JAKMIP3: variants seen among roughly 807,000 people sequenced by gnomAD.
JAKMIP3 encodes the protein janus kinase and microtubule-interacting protein 3.
In JAKMIP3, 58 loss-of-function variants were observed where a neutral mutation model predicts 118.5. That is an observed-to-expected ratio of 0.49 (90% CI 0.40 to 0.61). The LOEUF (loss-of-function observed/expected upper bound fraction) is 0.61, where lower values mean the gene tolerates loss of function less well. Among genes scored for constraint, JAKMIP3 ranks in the 20% least tolerant of loss-of-function variants. The pLI is 0.00. For synonymous variants in JAKMIP3, 486 were observed against 451.2 expected (o/e 1.08, Z -0.98); for missense variants, 950 against 1,109.0 (o/e 0.86, Z 2.04).
chr10:132,048,825 A>G (rs2038013411), intron 1 of JAKMIP3, among the ~76,000 whole-genome samples: 1 of 151,782 alleles, frequency 6.6e-6, no homozygotes, highest in Non-Finnish European at 1.5e-5. Context: ...ATTTTTTGGT[A>G]GAGACAAGGC....
Position 132,180,726 on chromosome 10 carries a change from TGTGCGTGTGTGCGTGCGTGC to T in JAKMIP3, c.*1104-1629_*1104-1610del, listed in dbSNP as rs1156987807. Reference sequence around the variant, plus strand: ...GTGTGTGCGCGTGTGTGTGCGTGTGTGTGCGTGTGTGCGTGCGTGCGCGCGCGTGTGTGCGTGTGTGTGCG... The same window carrying T: ...GTGTGTGCGCGTGTGTGTGCGTGTGTGCGCGCGTGTGTGCGTGTGTGTGCG... On this transcript the variant is annotated intron_variant, in intron 23 of 23. Transcript: ENST00000684848. Among the ~76,000 whole-genome samples, 3 of 21,144 alleles carry T rather than the reference TGTGCGTGTGTGCGTGCGTGC, an allele frequency of 1.4e-4. 1 individual carries two copies. Among genetic ancestry groups the T allele is most frequent in the Non-Finnish European group, 2.4e-4 (3 of 12,444 alleles). The allele number at this position is 21,144 out of a possible 152,430, so 13.9% of individuals were successfully genotyped here.
intron 3 of JAKMIP3, among the ~76,000 whole-genome samples, chr10:132,123,459 T>C (rs1174346148): frequency 7.1e-6 from 1 of 141,216 alleles, no homozygotes; most frequent in Non-Finnish European, 1.5e-5. Flanking sequence ...TCTAGACAGC[T>C]AGTTAAAGTG....
At position 132,101,128 on chromosome 10, in the gene JAKMIP3, G is replaced by A. The variant is rs947036475; in HGVS notation, c.-137-3544G>A. 2.6e-5 allele frequency among the ~76,000 whole-genome samples: 4 copies of A among 152,172 alleles called. No individual in the cohort carries two copies. The South Asian group carries it at 6.2e-4, about 24-fold the overall frequency. ...GACTTGAATCTGTTCGGAGGAGCTG[G>A]GCACTCCCAGGCCTGGGACGGGAGG... On this transcript the variant is annotated intron_variant, in intron 1 of 23. Transcript: ENST00000684848.
chr10:132,041,749 C>T (rs573169148), intron 1 of JAKMIP3, among the ~76,000 whole-genome samples: 297 of 152,360 alleles, frequency 1.9e-3, no homozygotes, highest in Non-Finnish European at 3.6e-3. Context: ...TGAACTGTCG[C>T]GTGGCCAGCC....
At chr10:132,037,437 C>T (rs1053292370) in intron 1 of JAKMIP3, among the ~76,000 whole-genome samples, 1 of 152,094 alleles carries the variant, frequency 6.6e-6, no homozygotes, top group African/African-American at 2.4e-5. Context: ...ACCTGGGATT[C>T]GCTTGCAGAA....
intron 1 of JAKMIP3, among the ~76,000 whole-genome samples, chr10:132,043,259 T>TA (rs2037814707): frequency 6.6e-6 from 1 of 152,102 alleles, no homozygotes. Context: ...GGCTGGAGTG[T>TA]AGTGGTGTGA....
Position 132,104,656 on chromosome 10 carries a change from G to A in JAKMIP3, c.-137-16G>A, listed in dbSNP as rs2045631675. 2 of 775,152 alleles carry A rather than the reference G, an allele frequency of 2.6e-6. No homozygotes were observed. The highest frequency in any genetic ancestry group is 1.8e-5 in the South Asian group (1 of 57,128). The allele number at this position is 775,152 out of a possible 1,614,324, so 48.0% of individuals were successfully genotyped here. A position where few individuals can be genotyped will look rare whatever the true frequency, so the allele number is the denominator to read the frequency against. On this transcript the variant is annotated splice_polypyrimidine_tract_variant and intron_variant, in intron 1 of 23. Coordinates refer to ENST00000684848, the MANE Select transcript of JAKMIP3 (RefSeq NM_001323087.2). ...TCCGGAGGGAGCTGCTCACCGCGGT[G>A]TGCTTTCCCCTCCAGGTGAATGAGA...
chr10:132,051,271 C>T (rs12776231), intron 1 of JAKMIP3, among the ~76,000 whole-genome samples: 6,160 of 100,704 alleles, frequency 0.061, 322 homozygotes, highest in East Asian at 0.28. Context: ...TTTCCTGGCA[C>T]GGTTGGTCTT....
At position 132,180,803 on chromosome 10, in the gene JAKMIP3, AGTGGT is replaced by A. The variant is rs760595449; in HGVS notation, c.*1104-1550_*1104-1546del. Among the ~76,000 whole-genome samples the A allele has an allele frequency of 6.3e-4, 82 of 129,156 alleles. 3 individuals are homozygous for A. The highest frequency in any genetic ancestry group is 1.1e-3 in the Non-Finnish European group (66 of 62,500). 84.7% of individuals were successfully genotyped at this position (129,156 alleles called of 152,430 possible). ...TGTGTGCGCGTATGCATGTGCTGTG[AGTGGT>A]GTGTTGTGTATGCATGTGTGTATAT... On this transcript the variant is annotated intron_variant, in intron 23 of 23. Transcript: ENST00000684848.
At position 132,180,760 on chromosome 10, in the gene JAKMIP3, C is replaced by CGT. The variant is rs1205299432; in HGVS notation, c.*1104-1589_*1104-1588dup. Among the ~76,000 whole-genome samples the CGT allele has an allele frequency of 5.4e-4, 8 of 14,730 alleles. 1 individual carries two copies. Among genetic ancestry groups the CGT allele is most frequent in the African/African-American group, 2.1e-3 (5 of 2,404 alleles). The allele number at this position is 14,730 out of a possible 152,430, so 9.7% of individuals were successfully genotyped here. On this transcript the variant is annotated intron_variant, in intron 23 of 23. Coordinates refer to ENST00000684848, the MANE Select transcript of JAKMIP3 (RefSeq NM_001323087.2). ...GTGCGTGCGTGCGCGCGCGTGTGTG[C>CGT]GTGTGTGTGCGTGTGTGTGTGTGCG... is the stretch of plus-strand genomic sequence containing the variant.
In JAKMIP3 at chr10:132,137,158, G is replaced by A; in HGVS notation, c.1248+8G>A. ...ATAGATGAACTGTCTAAGGTACCCGGCGGGCTGTTTGCTGCGGCCCCGTCC... is the reference window on the plus strand; with the variant it reads ...ATAGATGAACTGTCTAAGGTACCCGACGGGCTGTTTGCTGCGGCCCCGTCC... On this transcript the variant is annotated splice_region_variant and intron_variant, in intron 7 of 23. Coordinates refer to ENST00000684848, the MANE Select transcript of JAKMIP3 (RefSeq NM_001323087.2). The A allele has an allele frequency of 6.2e-7, 1 of 1,613,896 alleles. No homozygotes were observed. Among genetic ancestry groups the A allele is most frequent in the Non-Finnish European group, 8.5e-7 (1 of 1,179,844 alleles).
intron 11 of JAKMIP3, among the ~76,000 whole-genome samples, chr10:132,142,538 C>T (rs1007602287): frequency 1.3e-5 from 2 of 151,264 alleles, no homozygotes; most frequent in Non-Finnish European, 2.9e-5. Flanking sequence ...ACCCCAGCAG[C>T]CGTGTCCCTC....
chr10:132,153,357 T>C (rs1259394381), intron 17 of JAKMIP3, among the ~76,000 whole-genome samples: 1 of 152,174 alleles, frequency 6.6e-6, no homozygotes, highest in East Asian at 1.9e-4. Context: ...CACTACCTGC[T>C]CCTAGTCCCA....
chr10:132,043,277 T>A (rs968689252), intron 1 of JAKMIP3, among the ~76,000 whole-genome samples: 2 of 152,146 alleles, frequency 1.3e-5, no homozygotes, highest in East Asian at 3.8e-4. Context: ...TGATGTGGGC[T>A]CACTGCAGCC....
chr10:132,148,164 A>C, intron 14 of JAKMIP3, 114 bp downstream of exon 14: 1 of 388,258 alleles, frequency 2.6e-6, no homozygotes, highest in Non-Finnish European at 4.6e-6. Flanking sequence ...ACATGAACCC[A>C]AAAGGCTGCG....
intron 1 of JAKMIP3, among the ~76,000 whole-genome samples, chr10:132,051,704 C>T (rs1204977571): frequency 6.6e-6 from 1 of 152,106 alleles, no homozygotes; most frequent in African/African-American, 2.4e-5. Context: ...GGGCTCAAGC[C>T]ATCCATCCTC....
At chr10:132,046,259 C>G (rs1055705988) in intron 1 of JAKMIP3, among the ~76,000 whole-genome samples, 1 of 152,122 alleles carries the variant, frequency 6.6e-6, no homozygotes, top group Non-Finnish European at 1.5e-5. Context: ...TCAAGACCAT[C>G]CTGGCTAACA....
At chr10:132,037,336 T>C (rs2037544711) in intron 1 of JAKMIP3, among the ~76,000 whole-genome samples, 1 of 152,138 alleles carries the variant, frequency 6.6e-6, no homozygotes, top group Non-Finnish European at 1.5e-5. Flanking sequence ...GAGGTCTGGC[T>C]GGCTGTTTTC....
At chr10:132,078,664 A>G (rs997026760) in intron 1 of JAKMIP3, among the ~76,000 whole-genome samples, 2 of 151,146 alleles carry the variant, frequency 1.3e-5, no homozygotes, top group Non-Finnish European at 2.9e-5. Flanking sequence ...CTCCTGTTCA[A>G]TCATGTAGCT....
Sources: gnomAD v4.1 joint callset for allele counts (sites outside exome capture counted in the v4.1 genomes callset) on GRCh38, gnomAD v4.1.1 for gene constraint, MANE v1.5 for transcripts, NCBI Gene and HGNC (gene_info 2026-07-23, HGNC 2026-07-21) for gene names.